Variants in ABTB3 observed in about 807,000 individuals in gnomAD.
The protein encoded by ABTB3 is ankyrin repeat and BTB domain containing 3, also known as ankyrin repeat- and BTB/POZ domain-containing protein 3.
chr12:107,395,368 C>G, the ABTB3 span, among the ~76,000 whole-genome samples: 1 of 152,196 alleles, frequency 6.6e-6, no homozygotes, highest in African/African-American at 2.4e-5. Flanking sequence ...TGCTTTAAGA[C>G]CACCGGAGGC....
At chr12:107,629,410 G>A in the ABTB3 span, among the ~76,000 whole-genome samples, 1 of 152,110 alleles carries the variant, frequency 6.6e-6, no homozygotes, top group South Asian at 2.1e-4. Context: ...GCAACAGGGA[G>A]AGACCCTGTC....
chr12:107,647,394 A>G, the ABTB3 span, among the ~76,000 whole-genome samples: 5 of 152,124 alleles, frequency 3.3e-5, no homozygotes, highest in African/African-American at 1.2e-4. Context: ...AGTCCTAGCT[A>G]CTTGGGAGGC....
the ABTB3 span, among the ~76,000 whole-genome samples, chr12:107,349,126 G>T: frequency 3.3e-5 from 5 of 152,204 alleles, no homozygotes; most frequent in Admixed American, 3.3e-4. Context: ...GGCAGCTGCA[G>T]GTGGTGACTG....
the ABTB3 span, among the ~76,000 whole-genome samples, chr12:107,330,922 T>G: frequency 6.6e-6 from 1 of 152,178 alleles, no homozygotes; most frequent in Non-Finnish European, 1.5e-5. Flanking sequence ...CAGAATCAAA[T>G]TAACAGTTCC....
At chr12:107,413,255 C>G in the ABTB3 span, among the ~76,000 whole-genome samples, 1 of 151,952 alleles carries the variant, frequency 6.6e-6, no homozygotes, top group Non-Finnish European at 1.5e-5. Context: ...GCCTGGGCGA[C>G]AGAGCGAGAC....
chr12:107,512,775 A>T, the ABTB3 span, among the ~76,000 whole-genome samples: 1 of 152,234 alleles, frequency 6.6e-6, no homozygotes, highest in African/African-American at 2.4e-5. Context: ...TTCCCTATAA[A>T]GTAGAGATAA....
chr12:107,335,215 AGTTTGAG>A, the ABTB3 span, among the ~76,000 whole-genome samples: 1 of 138,002 alleles, frequency 7.2e-6, no homozygotes, highest in Non-Finnish European at 1.5e-5. Flanking sequence ...TAAGCCCAGG[AGTTTGAG>A]GCTGCAGTGA....
chr12:107,537,502 G>C, the ABTB3 span, among the ~76,000 whole-genome samples: 562 of 152,106 alleles, frequency 3.7e-3, 1 homozygote, highest in Middle Eastern at 6.8e-3. Context: ...ATAAATATGT[G>C]CAATTCTTAT....
At chr12:107,543,607 G>A in the ABTB3 span, among the ~76,000 whole-genome samples, 2 of 152,222 alleles carry the variant, frequency 1.3e-5, no homozygotes, top group Non-Finnish European at 2.9e-5. Context: ...CATAGAGGGT[G>A]TGTCACAGGG....
chr12:107,497,537 CA>C, the ABTB3 span, among the ~76,000 whole-genome samples: 1 of 151,896 alleles, frequency 6.6e-6, no homozygotes, highest in Non-Finnish European at 1.5e-5. Context: ...CATCATCCCA[CA>C]ACCAACAGCA....
At chr12:107,561,157 T>C in the ABTB3 span, among the ~76,000 whole-genome samples, 4 of 152,132 alleles carry the variant, frequency 2.6e-5, no homozygotes, top group Non-Finnish European at 5.9e-5. Context: ...GTCCCGTTGC[T>C]CTGTATTAGT....
At chr12:107,530,739 G>GT in the ABTB3 span, among the ~76,000 whole-genome samples, 1 of 152,042 alleles carries the variant, frequency 6.6e-6, no homozygotes, top group Non-Finnish European at 1.5e-5. Flanking sequence ...ATTTAATCAT[G>GT]TTTTTTATTT....
At chr12:107,514,233 G>A in the ABTB3 span, among the ~76,000 whole-genome samples, 10 of 152,284 alleles carry the variant, frequency 6.6e-5, no homozygotes, top group Admixed American at 5.2e-4. Context: ...CCACCTTGCC[G>A]CCAGGCCAGT....
the ABTB3 span, among the ~76,000 whole-genome samples, chr12:107,367,671 A>AT: frequency 2.0e-5 from 3 of 151,870 alleles, no homozygotes; most frequent in Non-Finnish European, 4.4e-5. Context: ...ACCCTGGCTA[A>AT]TTTTTTGTAT....
At chr12:107,629,944 G>T in the ABTB3 span, among the ~76,000 whole-genome samples, 2 of 151,988 alleles carry the variant, frequency 1.3e-5, no homozygotes, top group Non-Finnish European at 2.9e-5. Flanking sequence ...CACCTGATAC[G>T]AATGACACCA....
the ABTB3 span, chr12:107,651,823 G>C: frequency 6.4e-7 from 1 of 1,565,276 alleles, no homozygotes. Flanking sequence ...GCGCACACAG[G>C]AGCGCTGAAG....
At chr12:107,444,676 T>C in the ABTB3 span, among the ~76,000 whole-genome samples, 4 of 152,338 alleles carry the variant, frequency 2.6e-5, no homozygotes, top group East Asian at 7.7e-4. Context: ...ATTAACCATG[T>C]CTTCAAAATC....
chr12:107,457,809 G>T, the ABTB3 span, among the ~76,000 whole-genome samples: 3 of 152,188 alleles, frequency 2.0e-5, no homozygotes, highest in African/African-American at 7.2e-5. Context: ...AGCCAGTGTG[G>T]CGCAAATGTT....
At chr12:107,487,699 C>T in the ABTB3 span, among the ~76,000 whole-genome samples, 10 of 152,116 alleles carry the variant, frequency 6.6e-5, no homozygotes, top group East Asian at 1.9e-4. Context: ...ACCTATTTAT[C>T]GACAAAGACC....
Sources: allele counts gnomAD v4.1 joint callset (sites outside exome capture counted in the v4.1 genomes callset), GRCh38; gene constraint gnomAD v4.1.1; transcripts MANE v1.5; gene names NCBI Gene and HGNC (gene_info 2026-07-23, HGNC 2026-07-21).